Variants in KCNJ4 observed in about 807,000 individuals in gnomAD.
KCNJ4 encodes inward rectifier potassium channel 4.
Under a neutral mutation model 25.6 loss-of-function variants are expected in KCNJ4, and 3 were observed. That is an observed-to-expected ratio of 0.12 (90% confidence interval 0.05 to 0.30). The LOEUF is 0.30. Among genes scored for constraint, KCNJ4 ranks in the 10% least tolerant of loss-of-function variants. KCNJ4 has a pLI of 1.00. For missense variants in KCNJ4, 286 were observed against 666.8 expected (o/e 0.43, Z 6.29); for synonymous variants, 257 against 283.9 (o/e 0.91, Z 0.95).
At chr22:38,452,538 T>G (rs2089416070) in intron 1 of KCNJ4, among the ~76,000 whole-genome samples, 1 of 152,294 alleles carries the variant, frequency 6.6e-6, no homozygotes, top group Admixed American at 6.5e-5. Flanking sequence ...CCTCCCCTAC[T>G]GCTCTCCTCG....
Position 38,426,518 on chromosome 22 carries a change from T to G in KCNJ4, c.*277A>C. The G allele has an allele frequency of 2.9e-6, 1 of 339,080 alleles. No individual in the cohort carries two copies. Among genetic ancestry groups the G allele is most frequent in the Non-Finnish European group, 5.4e-6 (1 of 186,314 alleles). 21.0% of individuals were successfully genotyped at this position (339,080 alleles called of 1,614,324 possible). On this transcript the variant is annotated 3_prime_UTR_variant, in exon 2 of 2. Transcript: ENST00000303592. ...AGGTTCTGAGAGCAAAGAGGGCACG[T>G]CCTTGAAGAGTCAGTGGGGGAAGGG...
At position 38,428,100 on chromosome 22, in the gene KCNJ4, G is replaced by C. The variant is rs138417596; in HGVS notation, c.33C>G (p.His11Gln). The C allele has an allele frequency of 1.9e-6, 3 of 1,613,230 alleles. No individual in the cohort carries two copies. Among genetic ancestry groups the C allele is most frequent in the East Asian group, 4.5e-5 (2 of 44,888 alleles). MHGHSRNGQA[H>Q]VPRRKRRNRF... is the part of the protein sequence containing the mutation. Reference sequence around the variant, plus strand: ...GGTTGCGGCGCTTCCGCCGGGGCACGTGGGCCTGGCCGTTGCGGCTGTGTC... The same window carrying C: ...GGTTGCGGCGCTTCCGCCGGGGCACCTGGGCCTGGCCGTTGCGGCTGTGTC... The change falls in exon 2 of 2, where the codon CAC becomes CAG. Residue 11 changes from histidine to glutamine, a missense_variant. His to Gln is a conservative substitution (Grantham distance 24). Coordinates refer to ENST00000303592, the MANE Select transcript of KCNJ4 (RefSeq NM_152868.3).
chr22:38,427,196 G>A lies in KCNJ4; in HGVS notation c.937C>T (p.Leu313=). 2 of 1,613,458 alleles carry A rather than the reference G, an allele frequency of 1.2e-6. No homozygotes were observed. The highest frequency in any genetic ancestry group is 8.5e-7 in the Non-Finnish European group (1 of 1,180,030). ...ACAGGCTCAAAGCGGTGGCCCCACA[G>A]GATCTCGCTGGCCAGGTAGGAGCTG... ...ARSSYLASEI[L]WGHRFEPVVF... The change falls in exon 2 of 2, where the codon CTG becomes TTG. Residue 313 remains leucine, a synonymous_variant. Transcript: ENST00000303592.
rs111726626 is a variant in KCNJ4 at position 38,445,506 on chromosome 22, C to CA, written c.-40+9473dup. Among the ~76,000 whole-genome samples the CA allele has an allele frequency of 9.0e-3, 1,367 of 152,224 alleles. 20 individuals carry two copies. The highest frequency in any genetic ancestry group is 0.031 in the African/African-American group (1,302 of 41,522). ...TTACTTTATATTTATTTTTTAGAGA[C>CA]AGAGTCTTGCTCCAATGCCCAGGCT... On this transcript the variant is annotated intron_variant, in intron 1 of 1. Transcript: ENST00000303592.
intron 1 of KCNJ4, among the ~76,000 whole-genome samples, chr22:38,440,866 G>A (rs1006894026): frequency 6.6e-6 from 1 of 152,194 alleles, no homozygotes; most frequent in Non-Finnish European, 1.5e-5. Flanking sequence ...CGGGAGCGAC[G>A]GTTTCTAGTG....
At chr22:38,451,627 T>C (rs1384097433) in intron 1 of KCNJ4, among the ~76,000 whole-genome samples, 1 of 152,198 alleles carries the variant, frequency 6.6e-6, no homozygotes, top group Admixed American at 6.5e-5. Flanking sequence ...CAGGGACATC[T>C]GTCTGTCTGC....
In KCNJ4 at chr22:38,449,357, T is replaced by C. The variant is rs932061399; in HGVS notation, c.-40+5623A>G. Among the ~76,000 whole-genome samples the C allele has an allele frequency of 1.3e-5, 2 of 152,078 alleles. No homozygotes were observed. The highest frequency in any genetic ancestry group is 4.8e-5 in the African/African-American group (2 of 41,410). ...AGCCTCAGTATTCTCATCTGAGAAG[T>C]GGGGGTGATGGTTCTCCCAGGGTGG... is the stretch of plus-strand genomic sequence containing the variant. On this transcript the variant is annotated intron_variant, in intron 1 of 1. Transcript: ENST00000303592. The surrounding 1 kb of genome is among the most constrained non-coding windows in gnomAD (Gnocchi z 5.2).
At chr22:38,436,057 G>A (rs12484750) in intron 1 of KCNJ4, among the ~76,000 whole-genome samples, 3 of 152,188 alleles carry the variant, frequency 2.0e-5, no homozygotes, top group Non-Finnish European at 4.4e-5. Context: ...TGGTGCAGCA[G>A]CTTCAGCTCT....
At chr22:38,444,872 CCT>C (rs1222988434) in intron 1 of KCNJ4, among the ~76,000 whole-genome samples, 19 of 152,308 alleles carry the variant, frequency 1.2e-4, no homozygotes, top group South Asian at 2.1e-4. Flanking sequence ...CTAAATGTCC[CCT>C]GAGCTGGAAC....
At position 38,439,984 on chromosome 22, in the gene KCNJ4, G is replaced by C. The variant is rs190277312; in HGVS notation, c.-39-11813C>G. Among the ~76,000 whole-genome samples the C allele has an allele frequency of 1.4e-4, 21 of 151,642 alleles. 1 individual carries two copies. The highest frequency in any genetic ancestry group is 5.1e-4 in the African/African-American group (21 of 41,348). On this transcript the variant is annotated intron_variant, in intron 1 of 1. Coordinates refer to ENST00000303592, the MANE Select transcript of KCNJ4 (RefSeq NM_152868.3). ...CGGGCACCTGCAGTCCCAGCTACTC[G>C]GGAGGCTGAGGCAGGAGAATGGCGT...
chr22:38,444,980 T>C (rs1363704474), intron 1 of KCNJ4, among the ~76,000 whole-genome samples: 2 of 152,160 alleles, frequency 1.3e-5, no homozygotes, highest in Non-Finnish European at 2.9e-5. Context: ...GAACATTTAT[T>C]GAGCACCTAC....
chr22:38,447,135 G>A (rs1319023958), intron 1 of KCNJ4, among the ~76,000 whole-genome samples: 1 of 152,108 alleles, frequency 6.6e-6, no homozygotes, highest in East Asian at 1.9e-4. Flanking sequence ...GGCTGGAGGA[G>A]CCTTGGGGTA....
chr22:38,434,227 C>T lies in KCNJ4; in HGVS notation c.-39-6056G>A, dbSNP rs566595613. On this transcript the variant is annotated intron_variant, in intron 1 of 1. Transcript: ENST00000303592. ...CTCATGTCATCCCACCACCAGACTT[C>T]GAGGTGACTATTATTGGGTGAGACA... 6.6e-5 allele frequency among the ~76,000 whole-genome samples: 10 copies of T among 152,198 alleles called. No homozygotes were observed. In the East Asian group the frequency reaches 1.9e-3, roughly 30 times the overall value.
intron 1 of KCNJ4, among the ~76,000 whole-genome samples, chr22:38,433,108 A>C (rs536328965): frequency 6.6e-6 from 1 of 152,296 alleles, no homozygotes; most frequent in Non-Finnish European, 1.5e-5. Flanking sequence ...AAAATGAAGA[A>C]GTGACAATGC....
intron 1 of KCNJ4, among the ~76,000 whole-genome samples, chr22:38,429,243 G>T (rs1436781293): frequency 1.3e-5 from 2 of 152,310 alleles, no homozygotes; most frequent in East Asian, 3.9e-4. Flanking sequence ...GAGCAGTGGT[G>T]AGGGGAGAAT....
rs953668130 is a variant in KCNJ4, at chr22:38,455,133, G to A, written c.-193C>T. On this transcript the variant is annotated 5_prime_UTR_variant, in exon 1 of 2. Coordinates refer to ENST00000303592, the MANE Select transcript of KCNJ4 (RefSeq NM_152868.3). ...CCGGCCGGCCCGCGCTCCCCTCCCCGGCTGCCGCTCGGTCTGCGCGTGGGT... is the reference window on the plus strand; with the variant it reads ...CCGGCCGGCCCGCGCTCCCCTCCCCAGCTGCCGCTCGGTCTGCGCGTGGGT... 1 of 147,432 alleles carries A rather than the reference G, an allele frequency of 6.8e-6. No homozygotes were observed. Among genetic ancestry groups the A allele is most frequent in the African/African-American group, 2.5e-5 (1 of 40,318 alleles). 9.1% of individuals were successfully genotyped at this position (147,432 alleles called of 1,614,324 possible).
chr22:38,431,951 G>GTTT (rs111418413), intron 1 of KCNJ4, among the ~76,000 whole-genome samples: 95 of 145,476 alleles, frequency 6.5e-4, no homozygotes, highest in African/African-American at 2.2e-3. Flanking sequence ...GACTAGAGAT[G>GTTT]TTTTTTTTTT....
chr22:38,444,797 C>A (rs2089361950), intron 1 of KCNJ4, among the ~76,000 whole-genome samples: 1 of 152,168 alleles, frequency 6.6e-6, no homozygotes. Context: ...TTCCCACTGG[C>A]TCCTCAGGCC....
At chr22:38,445,522 T>C (rs2089367616) in intron 1 of KCNJ4, among the ~76,000 whole-genome samples, 1 of 152,156 alleles carries the variant, frequency 6.6e-6, no homozygotes, top group African/African-American at 2.4e-5. Context: ...CTTGCTCCAA[T>C]GCCCAGGCTG....
Sources: gnomAD v4.1 joint callset for allele counts (sites outside exome capture counted in the v4.1 genomes callset) on GRCh38, gnomAD v4.1.1 for gene constraint, Gnocchi (gnomAD v3.1) non-coding constraint, MANE v1.5 for transcripts, NCBI Gene and HGNC (gene_info 2026-07-23, HGNC 2026-07-21) for gene names.